The following CFAP61 variants were observed in gnomAD, a reference collection of about 807,000 sequenced individuals.
CFAP61 encodes the protein cilia- and flagella-associated protein 61.
CFAP61 carries 107 observed loss-of-function variants against 135.6 expected under a neutral mutation model. The observed-to-expected ratio is 0.79, with a 90% CI of 0.67 to 0.93. The LOEUF (loss-of-function observed/expected upper bound fraction) is 0.93. Among genes scored for constraint, CFAP61 ranks in the 40% least tolerant of loss-of-function variants. The pLI, the probability that CFAP61 is intolerant of heterozygous loss-of-function variation, is 0.00. For missense variants in CFAP61, 1,507 were observed against 1,556.2 expected, an observed-to-expected ratio of 0.97 and a Z score of 0.53; for synonymous variants, 575 against 578.5, an observed-to-expected ratio of 0.99 and a Z score of 0.09.
intron 21 of CFAP61, chr20:20,267,927 TC>T (rs1415257079): frequency 6.6e-6 from 1 of 152,140 alleles, no homozygotes; most frequent in Non-Finnish European, 1.5e-5. Flanking sequence ...TTCTAGGGAC[TC>T]CCTCCCACCT....
intron 15 of CFAP61, among the ~76,000 whole-genome samples, chr20:20,191,689 T>C (rs1208761637): frequency 6.6e-6 from 1 of 152,122 alleles, no homozygotes; most frequent in Non-Finnish European, 1.5e-5. Flanking sequence ...CCTATACATA[T>C]ATTAATATAT....
In CFAP61 at chr20:20,273,655, TAGGCCAC is replaced by T. The variant is rs2053536661; in HGVS notation, c.2504-3506_2504-3500del. 2.0e-5 allele frequency among the ~76,000 whole-genome samples: 3 copies of T among 152,376 alleles called. No homozygotes were observed. In the South Asian group the frequency reaches 6.2e-4, roughly 32 times the overall value. On this transcript the variant is annotated intron_variant, in intron 21 of 26. Transcript: ENST00000245957. ...GTGATAATTACAGTCACATCTAGTG[TAGGCCAC>T]AGGCACTGTGCTAGGCTCCAGGGAT...
chr20:20,141,859 C>CA (rs1305874797), intron 8 of CFAP61, among the ~76,000 whole-genome samples: 2 of 152,132 alleles, frequency 1.3e-5, no homozygotes, highest in South Asian at 2.1e-4. Flanking sequence ...TGCCCACACT[C>CA]ACGGAGACAG....
intron 21 of CFAP61, among the ~76,000 whole-genome samples, chr20:20,269,051 G>A (rs2053050257): frequency 6.8e-6 from 1 of 147,272 alleles, no homozygotes; most frequent in Non-Finnish European, 1.5e-5. Context: ...TCACGTTTTG[G>A]GCATAGAAAT....
chr20:20,296,335 CCTTCCTTG>C (rs1434260268), intron 24 of CFAP61, among the ~76,000 whole-genome samples: 9 of 118,872 alleles, frequency 7.6e-5, no homozygotes, highest in Admixed American at 4.3e-4. Context: ...TCCCTTCCTT[CCTTCCTTG>C]CTTCCTTCCT....
At chr20:20,338,630 C>T (rs981243383) in intron 25 of CFAP61, among the ~76,000 whole-genome samples, 6 of 151,564 alleles carry the variant, frequency 4.0e-5, no homozygotes, top group African/African-American at 1.5e-4. Flanking sequence ...GACTTGAGAT[C>T]CCGGCCTTTA....
chr20:20,104,284 A>G (rs1053050737), intron 8 of CFAP61, among the ~76,000 whole-genome samples: 5 of 152,074 alleles, frequency 3.3e-5, no homozygotes, highest in Non-Finnish European at 7.3e-5. Flanking sequence ...CTGTCAGGAA[A>G]TGTCTTTATA....
At chr20:20,317,601 A>G (rs1427350126) in intron 25 of CFAP61, among the ~76,000 whole-genome samples, 2 of 152,134 alleles carry the variant, frequency 1.3e-5, no homozygotes, top group Non-Finnish European at 2.9e-5. Context: ...GAGGGCACCA[A>G]ATGCCACCAA....
At chr20:20,248,696 C>A (rs1172509789) in intron 19 of CFAP61, among the ~76,000 whole-genome samples, 1 of 152,174 alleles carries the variant, frequency 6.6e-6, no homozygotes, top group South Asian at 2.1e-4. Flanking sequence ...AAGGTTCTTT[C>A]CAGCTCGGAA....
intron 6 of CFAP61, among the ~76,000 whole-genome samples, chr20:20,086,421 GT>G (rs2046809453): frequency 6.7e-6 from 1 of 148,420 alleles, no homozygotes; most frequent in African/African-American, 2.5e-5. Flanking sequence ...GCAGTGTTTG[GT>G]TTTTTTGTCC....
intron 8 of CFAP61, among the ~76,000 whole-genome samples, chr20:20,140,884 T>C (rs1049188533): frequency 3.3e-5 from 5 of 151,128 alleles, no homozygotes; most frequent in African/African-American, 4.8e-5. Context: ...TATGCAGCCA[T>C]AAAAAAGGAA....
intron 8 of CFAP61, among the ~76,000 whole-genome samples, chr20:20,104,426 A>G (rs1464953108): frequency 2.6e-5 from 4 of 152,198 alleles, no homozygotes; most frequent in East Asian, 1.9e-4. Context: ...CAATGGCTAC[A>G]TTAAGTCTTA....
At chr20:20,193,613 AATT>A (rs1376684156) in intron 15 of CFAP61, among the ~76,000 whole-genome samples, 1 of 151,672 alleles carries the variant, frequency 6.6e-6, no homozygotes, top group Non-Finnish European at 1.5e-5. Flanking sequence ...TTATTATAAT[AATT>A]ATTATTATTA....
At chr20:20,244,590 C>CT (rs1357657365) in intron 18 of CFAP61, among the ~76,000 whole-genome samples, 3 of 152,232 alleles carry the variant, frequency 2.0e-5, no homozygotes, top group Admixed American at 2.0e-4. Flanking sequence ...CACAAAACCA[C>CT]TTTTTCCTCC....
At chr20:20,239,311 C>G (rs2049842332) in intron 18 of CFAP61, among the ~76,000 whole-genome samples, 1 of 152,074 alleles carries the variant, frequency 6.6e-6, no homozygotes, top group African/African-American at 2.4e-5. Flanking sequence ...AGAACCATCA[C>G]AGCAAAAATA....
chr20:20,262,962 T>A lies in CFAP61; in HGVS notation c.2335T>A (p.Cys779Ser). The change falls in exon 21 of 27, where the codon TGC becomes AGC. Residue 779 changes from cysteine to serine, a missense_variant. Cys to Ser is a moderately radical substitution (Grantham distance 112). Coordinates refer to ENST00000245957, the MANE Select transcript of CFAP61 (RefSeq NM_015585.4). ...TTTCTCTAACATGCTTCAGGTCCCA[T>A]GCCCTACAGAGGCTGATATTAGTCA... ...LCTGQQYQVP[C>S]PTEADISQHL... 1 of 1,610,570 alleles carries A rather than the reference T, an allele frequency of 6.2e-7. No individual in the cohort carries two copies. Among genetic ancestry groups the A allele is most frequent in the Non-Finnish European group, 8.5e-7 (1 of 1,178,026 alleles).
At chr20:20,083,903 A>G (rs1252510664) in intron 6 of CFAP61, among the ~76,000 whole-genome samples, 7 of 152,258 alleles carry the variant, frequency 4.6e-5, no homozygotes, top group African/African-American at 1.7e-4. Context: ...TCCAAGGACT[A>G]GAAGCTAAAT....
At chr20:20,318,390 T>G (rs75674155) in intron 25 of CFAP61, among the ~76,000 whole-genome samples, 4,133 of 152,302 alleles carry the variant, frequency 0.027, 188 homozygotes, top group African/African-American at 0.095. Context: ...AAGGTTTTAT[T>G]TATATTCTTC....
chr20:20,256,400 C>CCACACACACACA (rs35783358), intron 20 of CFAP61, among the ~76,000 whole-genome samples: 1 of 148,674 alleles, frequency 6.7e-6, no homozygotes, highest in African/African-American at 2.5e-5. Context: ...AAAATTTAGG[C>CCACACACACACA]CACACACACA....
Sources: allele counts gnomAD v4.1 joint callset (sites outside exome capture counted in the v4.1 genomes callset), GRCh38; gene constraint gnomAD v4.1.1; transcripts MANE v1.5; gene names NCBI Gene and HGNC (gene_info 2026-07-23, HGNC 2026-07-21).